Variants in MON2 observed in about 807,000 individuals in gnomAD.
The protein encoded by MON2 is MON2 regulator of endosome-to-Golgi trafficking, also known as protein MON2 homolog.
MON2 carries 84 observed loss-of-function variants against 208.6 expected under a neutral mutation model. The ratio of observed to expected loss-of-function variants is 0.40; its 90% CI spans 0.34 to 0.48. The LOEUF is 0.48. MON2 is among the 20% of genes least tolerant of loss of function. The pLI is 0.59. For missense variants in MON2, 1,611 were observed against 2,015.4 expected (o/e 0.80, Z 3.84); for synonymous variants, 660 against 694.0 (o/e 0.95, Z 0.77).
At chr12:62,494,614 T>C (rs2070366617) in intron 3 of MON2, among the ~76,000 whole-genome samples, 1 of 152,194 alleles carries the variant, frequency 6.6e-6, no homozygotes, top group African/African-American at 2.4e-5. Context: ...GTTGTTAATA[T>C]GGGTTGCATT....
intron 1 of MON2, chr12:62,482,302 TGCTTGGA>T (rs1425668986): frequency 6.6e-6 from 1 of 152,280 alleles, no homozygotes; most frequent in African/African-American, 2.4e-5. Flanking sequence ...GGGCTTGACA[TGCTTGGA>T]GCCAACAAAA....
intron 24 of MON2, chr12:62,553,401 T>G: frequency 2.6e-6 from 1 of 387,692 alleles, no homozygotes; most frequent in East Asian, 4.2e-5. Context: ...TTATTATATC[T>G]CTCGTGATTT....
At chr12:62,561,947 C>A (rs2136352807) in intron 26 of MON2, among the ~76,000 whole-genome samples, 1 of 152,162 alleles carries the variant, frequency 6.6e-6, no homozygotes, top group South Asian at 2.1e-4. Flanking sequence ...TATGATGATA[C>A]CTCTTAATTA....
intron 2 of MON2, among the ~76,000 whole-genome samples, chr12:62,489,273 T>G (rs1428575271): frequency 6.6e-6 from 1 of 152,100 alleles, no homozygotes; most frequent in African/African-American, 2.4e-5. Flanking sequence ...AGGATTATTA[T>G]TTTTAAAAGT....
Position 62,513,734 on chromosome 12 carries a change from C to T in MON2, c.984+5254C>T, listed in dbSNP as rs186823614. 5.8e-3 allele frequency among the ~76,000 whole-genome samples: 720 copies of T among 123,414 alleles called. 72 individuals are homozygous for T. The highest frequency in any genetic ancestry group is 9.7e-3 in the Non-Finnish European group (520 of 53,404). The allele number at this position is 123,414 out of a possible 152,430, so 81.0% of individuals were successfully genotyped here. On this transcript the variant is annotated intron_variant, in intron 8 of 34. Transcript: ENST00000393630. ...GGCTGAGGCAGGCGGGTCATGAGGT[C>T]AGGAGATCGAGACCATCGTGGCTAA... is the stretch of plus-strand genomic sequence containing the variant.
intron 2 of MON2, among the ~76,000 whole-genome samples, chr12:62,493,678 CAG>C (rs1482478013): frequency 6.6e-6 from 1 of 152,056 alleles, no homozygotes; most frequent in Non-Finnish European, 1.5e-5. Context: ...AACCAAAGGA[CAG>C]AGTGTTAGGA....
At chr12:62,577,404 T>C (rs149006654) in intron 30 of MON2, among the ~76,000 whole-genome samples, 2 of 152,242 alleles carry the variant, frequency 1.3e-5, no homozygotes, top group Non-Finnish European at 2.9e-5. Flanking sequence ...TCAGTAGATA[T>C]TTGTTGAATG....
In MON2 at chr12:62,547,084, A is replaced by AAT; in HGVS notation, c.2753+13_2753+14insTA. On this transcript the variant is annotated intron_variant, in intron 22 of 34. Coordinates refer to ENST00000393630, the MANE Select transcript of MON2 (RefSeq NM_015026.3). ...AGAAATGATCAAGGGTAAGTATTTA[A>AAT]AATTATTTGAGAAAAAATATGTATG... 7.0e-7 allele frequency: 1 copy of AAT among 1,422,310 alleles called. No individual in the cohort carries two copies. Among genetic ancestry groups the AAT allele is most frequent in the Non-Finnish European group, 9.3e-7 (1 of 1,079,042 alleles). 88.1% of individuals were successfully genotyped at this position (1,422,310 alleles called of 1,614,324 possible). A position where few individuals can be genotyped will look rare whatever the true frequency, so the allele number is the denominator to read the frequency against.
chr12:62,535,773 A>G (rs1260045413), intron 14 of MON2, 64 bp downstream of exon 14: 3 of 1,274,254 alleles, frequency 2.4e-6, no homozygotes, highest in Non-Finnish European at 3.2e-6. Context: ...ACAGAAGATT[A>G]TAAACATCTG....
intron 34 of MON2, chr12:62,588,967 T>A (rs2075307039): frequency 2.6e-6 from 3 of 1,171,116 alleles, no homozygotes; most frequent in Non-Finnish European, 3.5e-6. Flanking sequence ...TGTGTACTTG[T>A]CTCGAAGCAC....
At chr12:62,561,777 A>AT (rs1290877427) in intron 26 of MON2, among the ~76,000 whole-genome samples, 4 of 152,196 alleles carry the variant, frequency 2.6e-5, no homozygotes, top group African/African-American at 9.6e-5. Flanking sequence ...GTAGCCAGCC[A>AT]TTCCAACAAA....
At chr12:62,535,502 T>C in intron 13 of MON2, 23 bp from the exon 14 acceptor site, 1 of 1,532,978 alleles carries the variant, frequency 6.5e-7, no homozygotes, top group Non-Finnish European at 8.8e-7. Flanking sequence ...TTAATCAGAT[T>C]AAATAAAATA....
At position 62,500,892 on chromosome 12, in the gene MON2, G is replaced by A. The variant is rs777131095; in HGVS notation, c.663+12G>A. ...ATATGCTTTTCCAGGTATTTTAGTT[G>A]ATAAAAGTAATTTTTATTCTAAAAT... On this transcript the variant is annotated intron_variant, in intron 6 of 34. Coordinates refer to ENST00000393630, the MANE Select transcript of MON2 (RefSeq NM_015026.3). The A allele has an allele frequency of 5.6e-6, 8 of 1,431,284 alleles. No individual in the cohort carries two copies. The South Asian group carries it at 9.2e-5, about 16-fold the overall frequency. 88.7% of individuals were successfully genotyped at this position (1,431,284 alleles called of 1,614,324 possible).
chr12:62,565,452 T>A (rs990507764), intron 27 of MON2, 72 bp downstream of exon 27: 3 of 1,294,280 alleles, frequency 2.3e-6, no homozygotes, highest in African/African-American at 1.5e-5. Context: ...CCACTTAAGA[T>A]GGACTTTGAT....
chr12:62,492,884 CAGG>C (rs2070243032), intron 2 of MON2, among the ~76,000 whole-genome samples: 1 of 151,628 alleles, frequency 6.6e-6, no homozygotes, highest in South Asian at 2.1e-4. Context: ...GAGGCTGAGG[CAGG>C]AGAATCACTT....
Position 62,513,312 on chromosome 12 carries a change from G to A in MON2, c.984+4832G>A, listed in dbSNP as rs143228570. Among the ~76,000 whole-genome samples, 735 of 152,094 alleles carry A rather than the reference G, an allele frequency of 4.8e-3. 6 individuals are homozygous for A. The highest frequency in any genetic ancestry group is 0.016 in the African/African-American group (675 of 41,514). Reference sequence around the variant, plus strand: ...CCCATCTTGGCTCACTGCAACCTCCGCCTCCTGGGTTCAAGTGATTCTCCT... The same window carrying A: ...CCCATCTTGGCTCACTGCAACCTCCACCTCCTGGGTTCAAGTGATTCTCCT... On this transcript the variant is annotated intron_variant, in intron 8 of 34. Transcript: ENST00000393630.
At chr12:62,471,083 G>A (rs975369577) in intron 1 of MON2, among the ~76,000 whole-genome samples, 2 of 152,204 alleles carry the variant, frequency 1.3e-5, no homozygotes, top group East Asian at 1.9e-4. Flanking sequence ...ATAATGGAGA[G>A]AGAGAAATGT....
chr12:62,569,185 G>A (rs943813830), intron 29 of MON2, among the ~76,000 whole-genome samples: 2 of 152,128 alleles, frequency 1.3e-5, no homozygotes, highest in African/African-American at 2.4e-5. Flanking sequence ...TATGCTTAAT[G>A]TTTTTCTTGA....
intron 7 of MON2, among the ~76,000 whole-genome samples, chr12:62,506,160 T>C (rs998022756): frequency 6.6e-6 from 1 of 152,216 alleles, no homozygotes; most frequent in African/African-American, 2.4e-5. Context: ...AAAATAATTA[T>C]TTTTGTAAAA....
Sources: gnomAD v4.1 joint callset for allele counts (sites outside exome capture counted in the v4.1 genomes callset) on GRCh38, gnomAD v4.1.1 for gene constraint, MANE v1.5 for transcripts, NCBI Gene and HGNC (gene_info 2026-07-23, HGNC 2026-07-21) for gene names.